Variants in PIP4K2A observed in about 807,000 individuals in gnomAD.
PIP4K2A encodes the protein phosphatidylinositol-5-phosphate 4-kinase type 2 alpha, also known as phosphatidylinositol 5-phosphate 4-kinase type-2 alpha.
PIP4K2A carries 14 observed loss-of-function variants against 42.9 expected under a neutral mutation model. The observed-to-expected ratio is 0.33, with a 90% confidence interval of 0.22 to 0.51. PIP4K2A has a LOEUF of 0.51. PIP4K2A is among the 20% of genes least tolerant of loss of function. PIP4K2A has a pLI of 0.97. For synonymous variants in PIP4K2A, 192 were observed against 192.2 expected (o/e 1.00, Z 0.01); for missense variants, 434 against 519.8 (o/e 0.83, Z 1.61).
intron 6 of PIP4K2A, among the ~76,000 whole-genome samples, chr10:22,565,839 C>CA (rs1029703774): frequency 2.6e-3 from 8 of 3,092 alleles, no homozygotes; most frequent in Non-Finnish European, 0.013. Context: ...TTATAAACAG[C>CA]CCCCCCAGGT....
chr10:22,713,926 T>C, intron 1 of PIP4K2A: 1 of 309,566 alleles, frequency 3.2e-6, no homozygotes, highest in East Asian at 5.5e-5. Flanking sequence ...GCACCCACCG[T>C]GAGACTCACA....
intron 1 of PIP4K2A, among the ~76,000 whole-genome samples, chr10:22,664,497 T>C (rs1839312130): frequency 6.6e-6 from 1 of 151,572 alleles, no homozygotes; most frequent in Non-Finnish European, 1.5e-5. Context: ...TATGCCTTTA[T>C]GCTTGCCAAT....
intron 4 of PIP4K2A, among the ~76,000 whole-genome samples, chr10:22,581,556 T>G (rs1455825554): frequency 1.0e-5 from 1 of 96,630 alleles, no homozygotes; most frequent in Non-Finnish European, 1.9e-5. Context: ...CACAGGGAGA[T>G]CCTATCTCTA....
chr10:22,631,282 T>C (rs1838540567), intron 1 of PIP4K2A, among the ~76,000 whole-genome samples: 1 of 152,194 alleles, frequency 6.6e-6, no homozygotes, highest in African/African-American at 2.4e-5. Context: ...AGTGTGACTT[T>C]GTTTGGAGAT....
chr10:22,693,997 T>C (rs1255479480), intron 1 of PIP4K2A: 2 of 152,126 alleles, frequency 1.3e-5, no homozygotes, highest in African/African-American at 2.4e-5. Context: ...GATTCAAAAA[T>C]ACATTACTGG....
intron 7 of PIP4K2A, among the ~76,000 whole-genome samples, chr10:22,550,049 G>C (rs535309116): frequency 1.3e-5 from 2 of 152,038 alleles, no homozygotes; most frequent in Admixed American, 6.6e-5. Context: ...CATTATGGAC[G>C]AAAGCCCCTT....
At chr10:22,583,296 C>G (rs141067322) in intron 4 of PIP4K2A, among the ~76,000 whole-genome samples, 3 of 152,186 alleles carry the variant, frequency 2.0e-5, no homozygotes, top group Non-Finnish European at 4.4e-5. Context: ...AAAGCCCCAT[C>G]CCAGATAGAA....
At chr10:22,683,841 A>ACACC (rs1839710286) in intron 1 of PIP4K2A, among the ~76,000 whole-genome samples, 1 of 144,582 alleles carries the variant, frequency 6.9e-6, no homozygotes, top group African/African-American at 2.5e-5. Flanking sequence ...CAGTTCACAC[A>ACACC]CACACACACA....
At chr10:22,709,277 C>T (rs1317809854) in intron 1 of PIP4K2A, among the ~76,000 whole-genome samples, 1 of 152,160 alleles carries the variant, frequency 6.6e-6, no homozygotes, top group Non-Finnish European at 1.5e-5. Flanking sequence ...GCCTTAAACA[C>T]AGTATCTCAT....
chr10:22,710,482 A>G (rs1833894333), intron 1 of PIP4K2A, among the ~76,000 whole-genome samples: 1 of 152,246 alleles, frequency 6.6e-6, no homozygotes, highest in African/African-American at 2.4e-5. Flanking sequence ...TAGAGACAGG[A>G]AACCCTTTTG....
intron 1 of PIP4K2A, among the ~76,000 whole-genome samples, chr10:22,657,836 T>C (rs931488324): frequency 6.6e-6 from 1 of 152,268 alleles, no homozygotes; most frequent in Non-Finnish European, 1.5e-5. Context: ...AACACTGTTA[T>C]TAAACATCCC....
Position 22,541,954 on chromosome 10 carries a change from TCTC to T in PIP4K2A, c.883_885del (p.Glu295del), listed in dbSNP as rs1256733270. On this transcript the variant is annotated inframe_deletion, in exon 8 of 10. Transcript: ENST00000376573. ...CTCTCGCCCTCCTCCTCCCCATCGT[TCTC>T]CTCACACTCCACTTCCTCCTGTTCG... 6.2e-6 allele frequency: 10 copies of T among 1,613,772 alleles called. No individual in the cohort carries two copies. Among genetic ancestry groups the T allele is most frequent in the Admixed American group, 1.7e-5 (1 of 59,972 alleles).
intron 1 of PIP4K2A, among the ~76,000 whole-genome samples, chr10:22,621,782 C>A (rs1445492754): frequency 6.6e-6 from 1 of 152,234 alleles, no homozygotes; most frequent in Non-Finnish European, 1.5e-5. Flanking sequence ...GCATTTTGAA[C>A]TGAGATGTGT....
chr10:22,590,686 A>G (rs1414009567), intron 4 of PIP4K2A, among the ~76,000 whole-genome samples: 1 of 152,074 alleles, frequency 6.6e-6, no homozygotes. Context: ...CAACATAGCA[A>G]AACTCCACCT....
At position 22,627,588 on chromosome 10, in the gene PIP4K2A, T is replaced by TAAAAA. The variant is rs1564448260; in HGVS notation, c.145-17872_145-17871insTTTTT. Among the ~76,000 whole-genome samples the TAAAAA allele has an allele frequency of 6.4e-4, 25 of 38,946 alleles. 3 individuals carry two copies. The highest frequency in any genetic ancestry group is 1.0e-3 in the African/African-American group (14 of 13,772). 25.6% of individuals were successfully genotyped at this position (38,946 alleles called of 152,430 possible). A position where few individuals can be genotyped will look rare whatever the true frequency, so the allele number is the denominator to read the frequency against. On this transcript the variant is annotated intron_variant, in intron 1 of 9. Coordinates refer to ENST00000376573, the MANE Select transcript of PIP4K2A (RefSeq NM_005028.5). ...ATTTGTTTAACCAAAAGCTAATATG[T>TAAAAA]AATAAAAAAAAAAAAAAAAAAAAAA... is the stretch of plus-strand genomic sequence containing the variant.
intron 3 of PIP4K2A, among the ~76,000 whole-genome samples, chr10:22,598,646 T>C (rs1440438354): frequency 6.6e-6 from 1 of 152,150 alleles, no homozygotes; most frequent in East Asian, 1.9e-4. Flanking sequence ...GTGATCCATC[T>C]CAACAGCAAT....
intron 7 of PIP4K2A, among the ~76,000 whole-genome samples, chr10:22,548,376 C>G (rs1171186223): frequency 6.6e-6 from 1 of 152,144 alleles, no homozygotes; most frequent in African/African-American, 2.4e-5. Flanking sequence ...TTCTGTAATT[C>G]AACTGTAAAT....
chr10:22,558,560 A>C (rs1465428247), intron 6 of PIP4K2A, among the ~76,000 whole-genome samples: 1 of 152,240 alleles, frequency 6.6e-6, no homozygotes, highest in African/African-American at 2.4e-5. Context: ...AGTAGCAAAG[A>C]AAAAGGGTGG....
In PIP4K2A at chr10:22,635,714, AC is replaced by A. The variant is rs1168283538; in HGVS notation, c.145-25998del. Among the ~76,000 whole-genome samples the A allele has an allele frequency of 4.6e-5, 7 of 152,324 alleles. No individual in the cohort carries two copies. The East Asian group carries it at 1.3e-3, about 29-fold the overall frequency. On this transcript the variant is annotated intron_variant, in intron 1 of 9. Coordinates refer to ENST00000376573, the MANE Select transcript of PIP4K2A (RefSeq NM_005028.5). ...AAGTTATGAGCCGGGGGGTTCTATG[AC>A]GAGGACCCTCTAAGGAGCTCAGTGT... is the stretch of plus-strand genomic sequence containing the variant.
Sources: allele counts gnomAD v4.1 joint callset (sites outside exome capture counted in the v4.1 genomes callset), GRCh38; gene constraint gnomAD v4.1.1; transcripts MANE v1.5; gene names NCBI Gene and HGNC (gene_info 2026-07-23, HGNC 2026-07-21).